The following HTR7 variants were observed in gnomAD, a reference collection of about 807,000 sequenced individuals.
HTR7 encodes 5-HT-7.
In HTR7, 16 loss-of-function variants were observed where a neutral mutation model predicts 34.0. The observed-to-expected ratio is 0.47, with a 90% CI of 0.32 to 0.71. The LOEUF (loss-of-function observed/expected upper bound fraction) is 0.71. HTR7 is among the 30% of genes least tolerant of loss of function. The pLI is 0.04. For synonymous variants in HTR7, 265 were observed against 260.2 expected, an observed-to-expected ratio of 1.02 and a Z score of -0.18; for missense variants, 504 against 625.5, an observed-to-expected ratio of 0.81 and a Z score of 2.07.
In HTR7 at chr10:90,743,644, G is replaced by A. The variant is rs752411678; in HGVS notation, c.1342C>T (p.Pro448Ser). The A allele has an allele frequency of 5.6e-6, 9 of 1,613,932 alleles. No individual in the cohort carries two copies. Among genetic ancestry groups the A allele is most frequent in the African/African-American group, 4.0e-5 (3 of 75,010 alleles). The part of the protein sequence containing the change: ...RVLLRPEKRP[P>S]VSVWVLQSPD... ...GATTGTAGCACCCACACAGATACCG[G>A]TGGCCTCTTTTCTGGTCTCAACAGC... is the stretch of plus-strand genomic sequence containing the variant. The change falls in exon 3 of 4, where the codon CCG becomes TCG. Residue 448 changes from proline (P) to serine (S), a missense_variant. Pro to Ser is a moderately conservative substitution (Grantham distance 74, BLOSUM62 -1). This residue lies in a region of HTR7 where 154 missense variants were observed against 212.1 expected (regional missense o/e 0.73). Coordinates refer to ENST00000336152, the MANE Select transcript of HTR7 (RefSeq NM_019859.4).
intron 1 of HTR7, among the ~76,000 whole-genome samples, chr10:90,782,299 C>A (rs1845317725): frequency 6.6e-6 from 1 of 152,146 alleles, no homozygotes; most frequent in African/African-American, 2.4e-5. Flanking sequence ...AAACCATTGA[C>A]CCCCGCTAAG....
chr10:90,841,910 G>A (rs1293468671), intron 1 of HTR7, among the ~76,000 whole-genome samples: 3 of 152,086 alleles, frequency 2.0e-5, no homozygotes, highest in Non-Finnish European at 2.9e-5. Context: ...TGAGGCAGAA[G>A]AATCATTTGA....
At chr10:90,821,161 T>A (rs571854307) in intron 1 of HTR7, among the ~76,000 whole-genome samples, 1 of 118,732 alleles carries the variant, frequency 8.4e-6, no homozygotes, top group Admixed American at 8.1e-5. Flanking sequence ...CACAAGCACC[T>A]TCATAAGAAC....
At chr10:90,794,528 C>T (rs1371352611) in intron 1 of HTR7, among the ~76,000 whole-genome samples, 9 of 152,106 alleles carry the variant, frequency 5.9e-5, no homozygotes, top group Non-Finnish European at 1.3e-4. Flanking sequence ...GGATCTTGCT[C>T]AATCACACAG....
chr10:90,816,501 G>A (rs1845901414), intron 1 of HTR7, among the ~76,000 whole-genome samples: 1 of 152,072 alleles, frequency 6.6e-6, no homozygotes, highest in Non-Finnish European at 1.5e-5. Context: ...TCTGCAGTGG[G>A]TCTCTAAAAA....
rs538482354 is a variant in HTR7, at chr10:90,748,687, A to G, written c.1295+152T>C. ...GGCTTTTGGAATTTTACTGGGTGGAAGACTGGAGTCTATACTGTTGTCAAT... is the reference window on the plus strand; with the variant it reads ...GGCTTTTGGAATTTTACTGGGTGGAGGACTGGAGTCTATACTGTTGTCAAT... On this transcript the variant is annotated intron_variant, in intron 2 of 3. Transcript: ENST00000336152. 7.3e-6 allele frequency: 6 copies of G among 820,142 alleles called. No homozygotes were observed. In the South Asian group the frequency reaches 7.4e-5, roughly 10 times the overall value. The allele number at this position is 820,142 out of a possible 1,614,324, so 50.8% of individuals were successfully genotyped here.
chr10:90,784,821 G>A (rs532275283), intron 1 of HTR7, among the ~76,000 whole-genome samples: 1 of 152,138 alleles, frequency 6.6e-6, no homozygotes. Context: ...CACATGACTT[G>A]GCATCATTAG....
intron 1 of HTR7, among the ~76,000 whole-genome samples, chr10:90,780,090 C>G (rs1405518134): frequency 6.6e-6 from 1 of 152,122 alleles, no homozygotes; most frequent in Non-Finnish European, 1.5e-5. Flanking sequence ...TTTAAAATTT[C>G]AAGTATGAGG....
chr10:90,790,972 G>T (rs1026994220), intron 1 of HTR7, among the ~76,000 whole-genome samples: 11 of 152,002 alleles, frequency 7.2e-5, no homozygotes, highest in African/African-American at 2.7e-4. Flanking sequence ...CTTTTGAATG[G>T]CAGTAAGAAT....
At chr10:90,785,084 T>C (rs182008410) in intron 1 of HTR7, among the ~76,000 whole-genome samples, 65 of 152,320 alleles carry the variant, frequency 4.3e-4, no homozygotes, top group African/African-American at 1.4e-3. Flanking sequence ...CATCATCCGC[T>C]GCAGGAGGCT....
chr10:90,839,517 A>T (rs1846297076), intron 1 of HTR7, among the ~76,000 whole-genome samples: 1 of 152,232 alleles, frequency 6.6e-6, no homozygotes, highest in South Asian at 2.1e-4. Flanking sequence ...TGTTATAAGC[A>T]TGCCCAGAAA....
intron 1 of HTR7, among the ~76,000 whole-genome samples, chr10:90,813,445 G>A (rs956133892): frequency 7.2e-5 from 11 of 151,996 alleles, no homozygotes; most frequent in East Asian, 5.8e-4. Flanking sequence ...TCGCTTGAAC[G>A]CGGGTGGCAG....
intron 1 of HTR7, among the ~76,000 whole-genome samples, chr10:90,800,625 C>T (rs1455502729): frequency 4.6e-5 from 7 of 151,984 alleles, no homozygotes; most frequent in Non-Finnish European, 7.4e-5. Flanking sequence ...CTCCTTGAGA[C>T]GTGTTTTCTC....
chr10:90,748,272 T>C (rs2119671991), intron 2 of HTR7, among the ~76,000 whole-genome samples: 1 of 152,262 alleles, frequency 6.6e-6, no homozygotes, highest in South Asian at 2.1e-4. Context: ...GTGGCTAGGA[T>C]TACAGAGGCG....
chr10:90,798,034 T>C (rs373714853), intron 1 of HTR7, among the ~76,000 whole-genome samples: 197 of 152,256 alleles, frequency 1.3e-3, no homozygotes, highest in African/African-American at 4.5e-3. Flanking sequence ...CTGATGAGGG[T>C]AGATCCCTCA....
chr10:90,832,544 C>T (rs963833364), intron 1 of HTR7, among the ~76,000 whole-genome samples: 5 of 152,190 alleles, frequency 3.3e-5, no homozygotes, highest in Non-Finnish European at 7.3e-5. Context: ...CCCCGGTTCC[C>T]GCTCGTGCCT....
At chr10:90,798,266 G>C (rs925401470) in intron 1 of HTR7, among the ~76,000 whole-genome samples, 1 of 152,154 alleles carries the variant, frequency 6.6e-6, no homozygotes. Context: ...ATTCAGGACT[G>C]GGTACAATCC....
At chr10:90,855,259 C>A (rs1224819048) in intron 1 of HTR7, among the ~76,000 whole-genome samples, 1 of 152,202 alleles carries the variant, frequency 6.6e-6, no homozygotes, top group Non-Finnish European at 1.5e-5. Context: ...GGATTAATGT[C>A]TTCTCAGTAT....
chr10:90,761,587 A>AG (rs1379134978), intron 1 of HTR7, among the ~76,000 whole-genome samples: 1 of 151,504 alleles, frequency 6.6e-6, no homozygotes, highest in Non-Finnish European at 1.5e-5. Flanking sequence ...TTACTATGTG[A>AG]GGTAACACAT....
Sources: allele counts gnomAD v4.1 joint callset (sites outside exome capture counted in the v4.1 genomes callset), GRCh38; gene constraint gnomAD v4.1.1; regional missense constraint gnomAD v4.1.1; transcripts MANE v1.5; gene names NCBI Gene and HGNC (gene_info 2026-07-23, HGNC 2026-07-21).